The following FOXP1 variants were observed in gnomAD, a reference collection of about 807,000 sequenced individuals.
FOXP1 encodes forkhead box protein P1.
FOXP1 carries 15 observed loss-of-function variants against 98.2 expected under a neutral mutation model. The ratio of observed to expected loss-of-function variants is 0.15; its 90% CI spans 0.10 to 0.24. The LOEUF (loss-of-function observed/expected upper bound fraction) is 0.24. Among genes scored for constraint, FOXP1 ranks in the 10% least tolerant of loss-of-function variants. The pLI, the probability that FOXP1 is intolerant of heterozygous loss-of-function variation, is 1.00. For missense variants in FOXP1, 633 were observed against 848.5 expected, an observed-to-expected ratio of 0.75 and a Z score of 3.15; for synonymous variants, 371 against 314.5, an observed-to-expected ratio of 1.18 and a Z score of -1.90.
chr3:71,122,722 CAA>C (rs1008196734), intron 6 of FOXP1, among the ~76,000 whole-genome samples: 4 of 152,256 alleles, frequency 2.6e-5, no homozygotes, highest in African/African-American at 9.6e-5. Context: ...TTAAAATGGG[CAA>C]ACAGAGACAG....
At chr3:71,078,287 G>C (rs760071603) in intron 7 of FOXP1, among the ~76,000 whole-genome samples, 3 of 152,354 alleles carry the variant, frequency 2.0e-5, no homozygotes, top group Non-Finnish European at 2.9e-5. Flanking sequence ...TGAATATTCA[G>C]TGAGAAGCAT....
At chr3:71,348,807 C>T (rs1451210622) in intron 4 of FOXP1, among the ~76,000 whole-genome samples, 5 of 152,162 alleles carry the variant, frequency 3.3e-5, no homozygotes, top group Admixed American at 3.3e-4. Context: ...TTCCACAATG[C>T]TAACTGTTAT....
intron 16 of FOXP1, 78 bp downstream of exon 16, chr3:70,977,565 T>A (rs1231748032): frequency 7.8e-7 from 1 of 1,288,380 alleles, no homozygotes; most frequent in East Asian, 2.3e-5. Context: ...AAACGGTTTT[T>A]AAATCTACTT....
chr3:71,440,815 T>C (rs1472530192), intron 3 of FOXP1, among the ~76,000 whole-genome samples: 3 of 151,964 alleles, frequency 2.0e-5, no homozygotes, highest in Non-Finnish European at 2.9e-5. Context: ...CAATGAGCTA[T>C]AATCATGCCA....
intron 19 of FOXP1, 85 bp downstream of exon 19, chr3:70,970,651 T>G: frequency 9.0e-7 from 1 of 1,109,158 alleles, no homozygotes; most frequent in Non-Finnish European, 1.4e-6. Flanking sequence ...ATTTAATATC[T>G]AATTAGAGCA....
At chr3:71,106,635 T>C (rs1466648423) in intron 7 of FOXP1, among the ~76,000 whole-genome samples, 1 of 151,974 alleles carries the variant, frequency 6.6e-6, no homozygotes, top group Non-Finnish European at 1.5e-5. Context: ...CTTTTTTTTT[T>C]TTTTAATCGA....
At chr3:71,357,782 G>C (rs1299372220) in intron 4 of FOXP1, among the ~76,000 whole-genome samples, 1 of 152,196 alleles carries the variant, frequency 6.6e-6, no homozygotes, top group Admixed American at 6.5e-5. Flanking sequence ...GAACGCACTT[G>C]AATAAGCAGA....
At chr3:71,434,942 C>A (rs186915958) in intron 3 of FOXP1, among the ~76,000 whole-genome samples, 146 of 152,076 alleles carry the variant, frequency 9.6e-4, no homozygotes, top group South Asian at 1.0e-3. Context: ...AGGCCCCCGT[C>A]ACCTCCGTCT....
intron 3 of FOXP1, among the ~76,000 whole-genome samples, chr3:71,397,051 C>CACAT (rs2081529086): frequency 8.1e-5 from 3 of 36,866 alleles, no homozygotes; most frequent in African/African-American, 1.3e-4. Context: ...TATATATACA[C>CACAT]ATATATATGT....
chr3:71,197,629 G>A (rs535129933), intron 6 of FOXP1, among the ~76,000 whole-genome samples: 1 of 152,218 alleles, frequency 6.6e-6, no homozygotes, highest in African/African-American at 2.4e-5. Context: ...TGAATACAGG[G>A]AACATATGTA....
chr3:71,501,698 T>G (rs1168359574), intron 2 of FOXP1, among the ~76,000 whole-genome samples: 1 of 152,308 alleles, frequency 6.6e-6, no homozygotes, highest in African/African-American at 2.4e-5. Context: ...TAGTTGATAG[T>G]ACAGCAAGGT....
chr3:70,980,581 T>C (rs997833098), intron 14 of FOXP1, among the ~76,000 whole-genome samples: 1 of 152,218 alleles, frequency 6.6e-6, no homozygotes, highest in Non-Finnish European at 1.5e-5. Context: ...TGTATGATTC[T>C]AGATCCTTTG....
At chr3:71,464,432 A>G (rs760238348) in intron 3 of FOXP1, among the ~76,000 whole-genome samples, 8 of 152,180 alleles carry the variant, frequency 5.3e-5, no homozygotes, top group Non-Finnish European at 5.9e-5. Context: ...GTCTCCTTAA[A>G]GGCCCCACAC....
chr3:71,578,726 T>G (rs997685398), intron 2 of FOXP1, among the ~76,000 whole-genome samples: 1 of 152,190 alleles, frequency 6.6e-6, no homozygotes, highest in African/African-American at 2.4e-5. Flanking sequence ...TTCTGTTAAT[T>G]TAAACAACTG....
At chr3:71,236,824 A>C (rs866656285) in intron 5 of FOXP1, among the ~76,000 whole-genome samples, 4 of 151,942 alleles carry the variant, frequency 2.6e-5, no homozygotes, top group Non-Finnish European at 5.9e-5. Flanking sequence ...AATGAGCCAT[A>C]ATCCTGCCAC....
At chr3:71,555,925 GAA>G (rs2046093567) in intron 2 of FOXP1, among the ~76,000 whole-genome samples, 1 of 151,524 alleles carries the variant, frequency 6.6e-6, no homozygotes, top group Admixed American at 6.6e-5. Flanking sequence ...AGGAGGAAGA[GAA>G]AGAAGAGGAG....
At chr3:71,094,176 A>G (rs538246190) in intron 7 of FOXP1, among the ~76,000 whole-genome samples, 64 of 152,332 alleles carry the variant, frequency 4.2e-4, no homozygotes, top group Admixed American at 3.4e-3. Flanking sequence ...TGCTGAAAGC[A>G]GCCATAGACA....
chr3:71,550,250 A>G (rs2045672967), intron 2 of FOXP1, among the ~76,000 whole-genome samples: 1 of 152,140 alleles, frequency 6.6e-6, no homozygotes, highest in Admixed American at 6.6e-5. Context: ...AAACGATTAT[A>G]AATCACATAG....
chr3:71,198,557 C>T (rs2063456249), intron 5 of FOXP1, among the ~76,000 whole-genome samples, 165 bp from the exon 6 acceptor site: 1 of 152,216 alleles, frequency 6.6e-6, no homozygotes, highest in South Asian at 2.1e-4. Context: ...CATTAGTGGG[C>T]CATGCCCCTA....
Sources: gnomAD v4.1 joint callset for allele counts (sites outside exome capture counted in the v4.1 genomes callset) on GRCh38, gnomAD v4.1.1 for gene constraint, MANE v1.5 for transcripts, NCBI Gene and HGNC (gene_info 2026-07-23, HGNC 2026-07-21) for gene names.